ASB1: variants seen among roughly 807,000 people sequenced by gnomAD.
The protein encoded by ASB1 is ankyrin repeat and SOCS box protein 1.
In ASB1, 18 loss-of-function variants were observed where a neutral mutation model predicts 27.7. The observed-to-expected ratio is 0.65, with a 90% CI of 0.45 to 0.96. The LOEUF is 0.96. ASB1 is among the 50% of genes least tolerant of loss of function. The pLI, the probability that ASB1 is intolerant of heterozygous loss-of-function variation, is 0.00. For missense variants in ASB1, 397 were observed against 451.7 expected (o/e 0.88, Z 1.10); for synonymous variants, 189 against 187.6 (o/e 1.01, Z -0.06).
At chr2:238,436,390 T>C (rs149502656) in intron 3 of ASB1, among the ~76,000 whole-genome samples, 38 of 152,274 alleles carry the variant, frequency 2.5e-4, no homozygotes, top group African/African-American at 8.9e-4. Context: ...CTTAGAGTTA[T>C]GGAAGATAAG....
At position 238,451,194 on chromosome 2, in the gene ASB1, T is replaced by C. The variant is rs192330491; in HGVS notation, c.*4683T>C. On this transcript the variant is annotated 3_prime_UTR_variant, in exon 5 of 5. Coordinates refer to ENST00000264607, the MANE Select transcript of ASB1 (RefSeq NM_001040445.3). ...GCAGATTTTGAAGTGTACAGTGATGTGTGGAATAAATACTAGAAATTCTCA... is the reference window on the plus strand; with the variant it reads ...GCAGATTTTGAAGTGTACAGTGATGCGTGGAATAAATACTAGAAATTCTCA... 5 of 152,242 alleles carry C rather than the reference T, an allele frequency of 3.3e-5. No homozygotes were observed. In the East Asian group the frequency reaches 9.7e-4, roughly 29 times the overall value. 9.4% of individuals were successfully genotyped at this position (152,242 alleles called of 1,614,324 possible). A position where few individuals can be genotyped will look rare whatever the true frequency, so the allele number is the denominator to read the frequency against.
At position 238,436,103 on chromosome 2, in the gene ASB1, T is replaced by C; in HGVS notation, c.494+90T>C. 5 of 1,277,160 alleles carry C rather than the reference T, an allele frequency of 3.9e-6. No individual in the cohort carries two copies. The South Asian group carries it at 7.9e-5, about 20-fold the overall frequency. 79.1% of individuals were successfully genotyped at this position (1,277,160 alleles called of 1,614,324 possible). A position where few individuals can be genotyped will look rare whatever the true frequency, so the allele number is the denominator to read the frequency against. On this transcript the variant is annotated intron_variant, in intron 3 of 4. Transcript: ENST00000264607. The stretch of plus-strand genomic sequence containing the variant: ...TTTTTCTGTCTTTAGAATTCGGCTC[T>C]TTAGATGACTCGCCTGTTTTGCTGG...
At chr2:238,435,623 T>A in intron 2 of ASB1, 88 bp from the exon 3 acceptor site, 1 of 1,366,938 alleles carries the variant, frequency 7.3e-7, no homozygotes, top group Non-Finnish European at 9.9e-7. Flanking sequence ...AGGGGGACCG[T>A]GTCCATGCTG....
chr2:238,433,710 C>G lies in ASB1; in HGVS notation c.191+15C>G. On this transcript the variant is annotated intron_variant, in intron 2 of 4. Coordinates refer to ENST00000264607, the MANE Select transcript of ASB1 (RefSeq NM_001040445.3). ...AGCTACCGGAGGTGAGCGGCGCTGC[C>G]CAGGGCTGGTCCGGGTACTAGGGCC... is the stretch of plus-strand genomic sequence containing the variant. 2 of 1,613,370 alleles carry G rather than the reference C, an allele frequency of 1.2e-6. No individual in the cohort carries two copies. The highest frequency in any genetic ancestry group is 1.7e-6 in the Non-Finnish European group (2 of 1,179,680).
At chr2:238,446,137 G>A (rs1277916356) in intron 4 of ASB1, among the ~76,000 whole-genome samples, 1 of 152,212 alleles carries the variant, frequency 6.6e-6, no homozygotes, top group African/African-American at 2.4e-5. Flanking sequence ...AGATGCCCTG[G>A]GTTAACGAGG....
In ASB1 at chr2:238,427,080, G is replaced by A. The variant is rs1701769445; in HGVS notation, c.10G>A (p.Gly4Ser). 1 of 1,264,132 alleles carries A rather than the reference G, an allele frequency of 7.9e-7. No homozygotes were observed. Among genetic ancestry groups the A allele is most frequent in the South Asian group, 2.9e-5 (1 of 34,812 alleles). The allele number at this position is 1,264,132 out of a possible 1,614,324, so 78.3% of individuals were successfully genotyped here. The stretch of plus-strand genomic sequence containing the variant: ...GGAGGCGGAAGCATCCATGGCGGAG[G>A]GCGGCAGCCCAGACGGGCGGGCAGG... MAEGGSPDGRAGPG... is the reference protein window; with the variant it reads MAESGSPDGRAGPG... The change falls in exon 1 of 5, where the codon GGC becomes AGC. Residue 4 changes from glycine (G) to serine (S), a missense_variant. Coordinates refer to ENST00000264607, the MANE Select transcript of ASB1 (RefSeq NM_001040445.3).
chr2:238,427,381 C>T (rs534110034), intron 1 of ASB1: 4 of 365,920 alleles, frequency 1.1e-5, no homozygotes, highest in South Asian at 2.9e-4. Flanking sequence ...TTGCTCGTAA[C>T]TTCCTTCCCG....
chr2:238,439,825 C>T (rs1022726991), intron 3 of ASB1, among the ~76,000 whole-genome samples: 4 of 152,146 alleles, frequency 2.6e-5, no homozygotes, highest in Admixed American at 2.0e-4. Flanking sequence ...GTGGTGCCTG[C>T]CATGTTTCGC....
At chr2:238,438,170 C>T (rs375636112) in intron 3 of ASB1, among the ~76,000 whole-genome samples, 1 of 148,586 alleles carries the variant, frequency 6.7e-6, no homozygotes, top group South Asian at 2.1e-4. Context: ...CTGCAGGCTG[C>T]CCGAGAAGTA....
In ASB1 at chr2:238,438,478, G is replaced by T. The variant is rs1005886470; in HGVS notation, c.494+2465G>T. Among the ~76,000 whole-genome samples, 3 of 152,276 alleles carry T rather than the reference G, an allele frequency of 2.0e-5. No individual in the cohort carries two copies. In the South Asian group the frequency reaches 6.2e-4, roughly 32 times the overall value. On this transcript the variant is annotated intron_variant, in intron 3 of 4. Transcript: ENST00000264607. Reference sequence around the variant, plus strand: ...GCCTCCCAAAGTGCTGGGATTACGGGCGTGAGCCACCGCGCCCGGCCACAG... The same window carrying T: ...GCCTCCCAAAGTGCTGGGATTACGGTCGTGAGCCACCGCGCCCGGCCACAG...
intron 3 of ASB1, among the ~76,000 whole-genome samples, chr2:238,441,856 G>A (rs1413126477): frequency 6.6e-6 from 1 of 152,208 alleles, no homozygotes; most frequent in Non-Finnish European, 1.5e-5. Flanking sequence ...TGTGATTGAT[G>A]GGTCAAAGGG....
At chr2:238,433,800 G>A in intron 2 of ASB1, 105 bp downstream of exon 2, 1 of 1,361,182 alleles carries the variant, frequency 7.3e-7, no homozygotes, top group South Asian at 1.3e-5. Context: ...ATGTTGGGAG[G>A]AATGTGTTCC....
Position 238,435,767 on chromosome 2 carries a change from G to C in ASB1, c.248G>C (p.Arg83Pro). The change falls in exon 3 of 5, where the codon CGA becomes CCA. Residue 83 changes from arginine to proline, a missense_variant. Coordinates refer to ENST00000264607, the MANE Select transcript of ASB1 (RefSeq NM_001040445.3). ...CCGWLPCTPL[R>P]IAATAGHGSC... ...GGCTGGCTCCCCTGCACACCGTTGC[G>C]AATCGCGGCCACTGCAGGCCATGGG... is the stretch of plus-strand genomic sequence containing the variant. 2 of 1,614,064 alleles carry C rather than the reference G, an allele frequency of 1.2e-6. No homozygotes were observed. The highest frequency in any genetic ancestry group is 1.7e-6 in the Non-Finnish European group (2 of 1,180,036).
chr2:238,437,791 G>T (rs1341541120), intron 3 of ASB1, among the ~76,000 whole-genome samples: 1 of 152,152 alleles, frequency 6.6e-6, no homozygotes, highest in Admixed American at 6.5e-5. Context: ...TGATGAGCAG[G>T]GACCTGGGAT....
In ASB1 at chr2:238,435,920, G is replaced by GC; in HGVS notation, c.402dup (p.Ala135ArgfsTer35). On this transcript the variant is annotated frameshift_variant, in exon 3 of 5. Coordinates refer to ENST00000264607, the MANE Select transcript of ASB1 (RefSeq NM_001040445.3). LOFTEE classifies it high-confidence loss of function. ...AGTACCCAGATCCTTCTCGAAGCTG[G>GC]CGCGGACCCCAACGGAAGCCGGCAC... The GC allele has an allele frequency of 6.2e-7, 1 of 1,614,212 alleles. No individual in the cohort carries two copies. The highest frequency in any genetic ancestry group is 8.5e-7 in the Non-Finnish European group (1 of 1,180,034).
intron 3 of ASB1, among the ~76,000 whole-genome samples, chr2:238,438,867 G>A (rs1209820704): frequency 1.3e-5 from 2 of 152,176 alleles, no homozygotes; most frequent in East Asian, 3.8e-4. Flanking sequence ...TTCTGTATGT[G>A]CAAAAGTTAT....
At position 238,449,263 on chromosome 2, in the gene ASB1, A is replaced by G. The variant is rs1702235262; in HGVS notation, c.*2752A>G. On this transcript the variant is annotated 3_prime_UTR_variant, in exon 5 of 5. Transcript: ENST00000264607. The stretch of plus-strand genomic sequence containing the variant: ...ATAGGAAGAGTAGCACTTTCCGCCT[A>G]AGCACTTTAGGAAATCACCTTTCTA... 1 of 152,184 alleles carries G rather than the reference A, an allele frequency of 6.6e-6. No individual in the cohort carries two copies. The highest frequency in any genetic ancestry group is 6.5e-5 in the Admixed American group (1 of 15,286). 9.4% of individuals were successfully genotyped at this position (152,184 alleles called of 1,614,324 possible).
At position 238,439,399 on chromosome 2, in the gene ASB1, G is replaced by A. The variant is rs180812129; in HGVS notation, c.494+3386G>A. On this transcript the variant is annotated intron_variant, in intron 3 of 4. Transcript: ENST00000264607. The stretch of plus-strand genomic sequence containing the variant: ...TGAAAGCAGCAGTTTTGGTTCCAGG[G>A]GAGCGTTTCTCTGGACACTCAGGAT... Among the ~76,000 whole-genome samples, 37 of 152,210 alleles carry A rather than the reference G, an allele frequency of 2.4e-4. 1 individual carries two copies. The South Asian group carries it at 7.2e-3, about 30-fold the overall frequency.
At chr2:238,432,440 GTTTTTAACCTTC>G (rs769593293) in intron 1 of ASB1, among the ~76,000 whole-genome samples, 107 of 125,614 alleles carry the variant, frequency 8.5e-4, no homozygotes, top group Non-Finnish European at 1.6e-3. Flanking sequence ...ATGTACATGT[GTTTTTAACCTTC>G]GTTTTTATTG....
Sources: gnomAD v4.1 joint callset for allele counts (sites outside exome capture counted in the v4.1 genomes callset) on GRCh38, gnomAD v4.1.1 for gene constraint, MANE v1.5 for transcripts, NCBI Gene and HGNC (gene_info 2026-07-23, HGNC 2026-07-21) for gene names.